The following GPRASP3 variants were observed in gnomAD, a reference collection of about 807,000 sequenced individuals.
GPRASP3 encodes G protein-coupled receptor associated sorting protein 3.
the GPRASP3 span, among the ~76,000 whole-genome samples, chrX:102,722,266 C>G: frequency 9.0e-6 from 1 of 111,553 alleles, no homozygotes; most frequent in East Asian, 2.8e-4. Flanking sequence ...GCCCACAGAA[C>G]TCAGGGAAAC....
At chrX:102,753,133 C>T in the GPRASP3 span, 2 of 122,128 alleles carry the variant, frequency 1.6e-5, no homozygotes, top group African/African-American at 6.6e-5. Flanking sequence ...CCCCTCTCTC[C>T]CTGTGCCCCT....
the GPRASP3 span, among the ~76,000 whole-genome samples, chrX:102,735,225 T>C: frequency 8.9e-6 from 1 of 111,970 alleles, no homozygotes; most frequent in Non-Finnish European, 1.9e-5. Context: ...CTAATTTTAA[T>C]GTCCGACCAT....
At chrX:102,749,795 C>G in the GPRASP3 span, 1 of 1,211,527 alleles carries the variant, frequency 8.3e-7, no homozygotes, top group South Asian at 1.8e-5. Context: ...GCTTGCCGCC[C>G]TTCTAGGAAC....
chrX:102,726,947 C>T, the GPRASP3 span, among the ~76,000 whole-genome samples: 8 of 112,566 alleles, frequency 7.1e-5, no homozygotes, highest in South Asian at 1.1e-3. Flanking sequence ...CATTAGGACA[C>T]GTGTTGAGAA....
At chrX:102,745,661 G>C in the GPRASP3 span, among the ~76,000 whole-genome samples, 1 of 111,386 alleles carries the variant, frequency 9.0e-6, no homozygotes, top group Non-Finnish European at 1.9e-5. Context: ...GTTGGGGCGG[G>C]GGTGCAGACA....
chrX:102,728,871 A>G, the GPRASP3 span, among the ~76,000 whole-genome samples: 2 of 111,998 alleles, frequency 1.8e-5, no homozygotes, highest in South Asian at 7.4e-4. Context: ...AACAGAATCA[A>G]CAACATTTCT....
At chrX:102,736,123 C>T in the GPRASP3 span, among the ~76,000 whole-genome samples, 1 of 111,866 alleles carries the variant, frequency 8.9e-6, no homozygotes, top group Non-Finnish European at 1.9e-5. Context: ...TTTTCAAAAG[C>T]CAAAGAAGCA....
chrX:102,738,261 A>G, the GPRASP3 span, among the ~76,000 whole-genome samples: 2 of 112,196 alleles, frequency 1.8e-5, no homozygotes, highest in Non-Finnish European at 3.8e-5. Flanking sequence ...AGGAAAAGGG[A>G]AAAAGGTGTC....
the GPRASP3 span, chrX:102,751,005 G>C: frequency 7.2e-6 from 1 of 139,111 alleles, no homozygotes; most frequent in Admixed American, 8.5e-5. Context: ...AGTACCTAGA[G>C]AGAGAGTGTG....
chrX:102,729,532 CTCTCCCTG>C, the GPRASP3 span, among the ~76,000 whole-genome samples: 1 of 112,025 alleles, frequency 8.9e-6, no homozygotes, highest in African/African-American at 3.2e-5. Flanking sequence ...AAAATGTAAA[CTCTCCCTG>C]AGAAGAATAT....
chrX:102,732,805 G>A, the GPRASP3 span, among the ~76,000 whole-genome samples: 1 of 111,614 alleles, frequency 9.0e-6, no homozygotes, highest in Non-Finnish European at 1.9e-5. Context: ...TCTCAGATAA[G>A]ACTTTTTAAA....
the GPRASP3 span, among the ~76,000 whole-genome samples, chrX:102,746,987 ATGTG>A: frequency 2.7e-5 from 3 of 111,896 alleles, no homozygotes; most frequent in African/African-American, 6.5e-5. Flanking sequence ...TAATGTAATG[ATGTG>A]TGAGAATGTG....
At chrX:102,721,072 G>A in the GPRASP3 span, 1 of 111,416 alleles carries the variant, frequency 9.0e-6, no homozygotes, top group Non-Finnish European at 1.9e-5. Context: ...GGTGGTGACT[G>A]AGACTAGATG....
the GPRASP3 span, among the ~76,000 whole-genome samples, chrX:102,741,822 T>C: frequency 8.9e-6 from 1 of 111,855 alleles, no homozygotes; most frequent in South Asian, 3.7e-4. Flanking sequence ...GCAGAAACCA[T>C]GCAAGTAAAG....
At chrX:102,724,925 C>A in the GPRASP3 span, among the ~76,000 whole-genome samples, 3 of 111,216 alleles carry the variant, frequency 2.7e-5, no homozygotes, top group Non-Finnish European at 5.6e-5. Context: ...ATAGAGGCTA[C>A]TTCAGATGTC....
the GPRASP3 span, among the ~76,000 whole-genome samples, chrX:102,730,204 A>G: frequency 8.9e-6 from 1 of 112,164 alleles, no homozygotes; most frequent in East Asian, 2.8e-4. Flanking sequence ...CATAAGGAGC[A>G]TGCAACCTAG....
At chrX:102,733,098 C>G in the GPRASP3 span, among the ~76,000 whole-genome samples, 2 of 112,397 alleles carry the variant, frequency 1.8e-5, no homozygotes, top group Admixed American at 1.9e-4. Context: ...TCCCATTGCC[C>G]TGTTGCAAAA....
At chrX:102,723,924 A>G in the GPRASP3 span, among the ~76,000 whole-genome samples, 1 of 111,851 alleles carries the variant, frequency 8.9e-6, no homozygotes, top group African/African-American at 3.3e-5. Flanking sequence ...TGGTGAACAT[A>G]TTGTTCTCTA....
the GPRASP3 span, among the ~76,000 whole-genome samples, chrX:102,740,964 T>C: frequency 8.1e-5 from 9 of 111,481 alleles, no homozygotes; most frequent in Middle Eastern, 4.2e-3. Context: ...GGCATAGATA[T>C]CTCTTAACAT....
Sources: allele counts gnomAD v4.1 joint callset (sites outside exome capture counted in the v4.1 genomes callset), GRCh38; gene constraint gnomAD v4.1.1; transcripts MANE v1.5; gene names NCBI Gene and HGNC (gene_info 2026-07-23, HGNC 2026-07-21).